COG2: variants seen among roughly 807,000 people sequenced by gnomAD.
COG2 encodes the protein conserved oligomeric Golgi complex subunit 2.
COG2 carries 52 observed loss-of-function variants against 90.6 expected under a neutral mutation model. The ratio of observed to expected loss-of-function variants is 0.57; its 90% CI spans 0.46 to 0.72. COG2 has a LOEUF of 0.72. COG2 is among the 30% of genes least tolerant of loss of function. COG2 has a pLI of 0.00. For missense variants in COG2, 829 were observed against 891.2 expected (o/e 0.93, Z 0.89); for synonymous variants, 337 against 320.4 (o/e 1.05, Z -0.55).
chr1:230,643,189 C>T (rs1661671757), intron 1 of COG2: 1 of 153,022 alleles, frequency 6.5e-6, no homozygotes, highest in Non-Finnish European at 1.5e-5. Context: ...CCGACTATTG[C>T]AGTACGACAA....
intron 1 of COG2, among the ~76,000 whole-genome samples, chr1:230,652,568 C>T (rs376062025): frequency 1.3e-5 from 2 of 152,172 alleles, no homozygotes; most frequent in Non-Finnish European, 2.9e-5. Context: ...TGGCTAAATA[C>T]GGAGCACAAT....
intron 9 of COG2, among the ~76,000 whole-genome samples, chr1:230,677,409 C>A (rs796879426): frequency 6.6e-6 from 1 of 152,302 alleles, no homozygotes; most frequent in African/African-American, 2.4e-5. Context: ...GATAAGACAA[C>A]ACATTGGGAG....
intron 5 of COG2, among the ~76,000 whole-genome samples, chr1:230,667,684 A>G (rs80051780): frequency 1.3e-5 from 2 of 152,232 alleles, no homozygotes; most frequent in East Asian, 3.8e-4. Context: ...GGTTGGTCAC[A>G]CTGGGCAGTT....
chr1:230,682,813 GA>G (rs1662783655), intron 10 of COG2: 1 of 152,172 alleles, frequency 6.6e-6, no homozygotes, highest in Non-Finnish European at 1.5e-5. Flanking sequence ...GAAATTGCAA[GA>G]GTTATATAGT....
intron 9 of COG2, chr1:230,678,393 G>A (rs1376383192): frequency 7.1e-6 from 7 of 985,382 alleles, no homozygotes; most frequent in Non-Finnish European, 7.2e-6. Flanking sequence ...ACAGTGTGTC[G>A]ATGATAAATG....
intron 5 of COG2, among the ~76,000 whole-genome samples, chr1:230,665,804 G>A (rs1377878480): frequency 1.3e-5 from 2 of 152,110 alleles, no homozygotes; most frequent in Non-Finnish European, 2.9e-5. Context: ...TCCACTAACT[G>A]CTCTGCTTCT....
chr1:230,689,824 T>A (rs1662978546), intron 15 of COG2, 190 bp from the exon 16 acceptor site: 1 of 524,272 alleles, frequency 1.9e-6, no homozygotes, highest in Admixed American at 3.8e-5. Context: ...GTGCTGGCTC[T>A]TCTTATTCCC....
intron 1 of COG2, among the ~76,000 whole-genome samples, chr1:230,644,007 A>G (rs1486477639): frequency 1.3e-5 from 2 of 152,112 alleles, no homozygotes; most frequent in Non-Finnish European, 2.9e-5. Flanking sequence ...GAATAATCTC[A>G]GTTTGTCCAT....
intron 1 of COG2, among the ~76,000 whole-genome samples, chr1:230,644,228 C>T (rs538791720): frequency 1.3e-5 from 2 of 152,096 alleles, no homozygotes; most frequent in Non-Finnish European, 2.9e-5. Context: ...TGTGAATATG[C>T]GGTACATTTT....
At chr1:230,675,165 C>G in intron 9 of COG2, 41 bp downstream of exon 9, 6 of 1,582,742 alleles carry the variant, frequency 3.8e-6, no homozygotes, top group Non-Finnish European at 5.2e-6. Flanking sequence ...AAGATGTTAA[C>G]CGGAGACTGG....
chr1:230,657,790 G>A (rs1443126618), intron 1 of COG2, among the ~76,000 whole-genome samples: 3 of 151,542 alleles, frequency 2.0e-5, no homozygotes, highest in Non-Finnish European at 4.4e-5. Context: ...CTCTAATCTT[G>A]TCTTCTCACT....
intron 1 of COG2, among the ~76,000 whole-genome samples, chr1:230,643,588 TG>T (rs1661682699): frequency 1.7e-5 from 1 of 57,962 alleles, no homozygotes; most frequent in South Asian, 9.6e-4. Flanking sequence ...GGTGACATAA[TG>T]TTTTCTAGAT....
chr1:230,645,980 G>A (rs1442542226), intron 1 of COG2, among the ~76,000 whole-genome samples: 1 of 152,080 alleles, frequency 6.6e-6, no homozygotes. Context: ...CAGGTAGTTG[G>A]GGACGCTGGT....
intron 10 of COG2, chr1:230,680,703 C>G (rs546798457): frequency 6.6e-6 from 1 of 152,108 alleles, no homozygotes; most frequent in Non-Finnish European, 1.5e-5. Context: ...TAAAAAAACA[C>G]GTTTGAGTTA....
At chr1:230,679,962 G>C (rs888948479) in intron 10 of COG2, 2 of 152,142 alleles carry the variant, frequency 1.3e-5, no homozygotes, top group Admixed American at 6.5e-5. Context: ...TGTATGTAAT[G>C]ATCTTTTTAT....
chr1:230,674,195 T>C (rs1374081691), intron 8 of COG2, among the ~76,000 whole-genome samples: 1 of 152,232 alleles, frequency 6.6e-6, no homozygotes, highest in Admixed American at 6.5e-5. Flanking sequence ...TTAGGCACTA[T>C]CCTAAGTACT....
intron 1 of COG2, among the ~76,000 whole-genome samples, chr1:230,643,520 G>T (rs11122565): frequency 0.23 from 35,069 of 152,046 alleles, 4,153 homozygotes; most frequent in Admixed American, 0.26. Flanking sequence ...AGTTTTAGCT[G>T]GTTAGTAGAC....
intron 5 of COG2, among the ~76,000 whole-genome samples, chr1:230,667,698 GT>G (rs1662353313): frequency 6.6e-6 from 1 of 152,206 alleles, no homozygotes; most frequent in Non-Finnish European, 1.5e-5. Flanking sequence ...GGCAGTTCCT[GT>G]TCCTCTAAAC....
intron 8 of COG2, among the ~76,000 whole-genome samples, chr1:230,673,927 C>A (rs912978503): frequency 3.3e-5 from 5 of 152,112 alleles, no homozygotes; most frequent in African/African-American, 9.7e-5. Flanking sequence ...TTAATACTTA[C>A]CAGAATGTTA....
Sources: allele counts gnomAD v4.1 joint callset (sites outside exome capture counted in the v4.1 genomes callset), GRCh38; gene constraint gnomAD v4.1.1; transcripts MANE v1.5; gene names NCBI Gene and HGNC (gene_info 2026-07-23, HGNC 2026-07-21).